Variants in CDC25C observed in about 807,000 individuals in gnomAD.
The protein encoded by CDC25C is M-phase inducer phosphatase 3.
CDC25C carries 48 observed loss-of-function variants against 52.5 expected under a neutral mutation model. The observed-to-expected ratio is 0.91, with a 90% CI of 0.72 to 1.16. CDC25C has a LOEUF of 1.16. Among genes scored for constraint, CDC25C ranks in the 50% most tolerant of loss-of-function variants. The pLI is 0.00. For synonymous variants in CDC25C, 187 were observed against 206.5 expected, an observed-to-expected ratio of 0.91 and a Z score of 0.81; for missense variants, 510 against 566.1, an observed-to-expected ratio of 0.90 and a Z score of 1.01.
At chr5:138,301,125 A>G (rs2126708598) in intron 7 of CDC25C, among the ~76,000 whole-genome samples, 1 of 152,314 alleles carries the variant, frequency 6.6e-6, no homozygotes, top group Non-Finnish European at 1.5e-5. Context: ...AAATCAATGG[A>G]ATAGAAAACA....
chr5:138,285,934 G>A (rs181547790), intron 13 of CDC25C, 88 bp downstream of exon 13: 2 of 1,543,022 alleles, frequency 1.3e-6, no homozygotes, highest in Non-Finnish European at 1.8e-6. Context: ...AGTGGCTAAG[G>A]AGGAGCAGCA....
At position 138,331,772 on chromosome 5, in the gene CDC25C, A is replaced by C; in HGVS notation, c.-216T>G. ...GTCGGACTCAGAGTCTTCCCTGAGC[A>C]GAAGGCCAAAGTTACGGCCTCTGAG... On this transcript the variant is annotated 5_prime_UTR_variant, in exon 1 of 14. Transcript: ENST00000323760. The C allele has an allele frequency of 2.1e-6, 2 of 962,544 alleles. No homozygotes were observed. Among genetic ancestry groups the C allele is most frequent in the Non-Finnish European group, 2.5e-6 (2 of 807,922 alleles). The allele number at this position is 962,544 out of a possible 1,614,324, so 59.6% of individuals were successfully genotyped here. A position where few individuals can be genotyped will look rare whatever the true frequency, so the allele number is the denominator to read the frequency against.
In CDC25C at chr5:138,286,212, G is replaced by A. The variant is rs189843562; in HGVS notation, c.1161-79C>T. The A allele has an allele frequency of 7.2e-6, 8 of 1,112,186 alleles. No individual in the cohort carries two copies. In the African/African-American group the frequency reaches 1.2e-4, roughly 17 times the overall value. 68.9% of individuals were successfully genotyped at this position (1,112,186 alleles called of 1,614,324 possible). A position where few individuals can be genotyped will look rare whatever the true frequency, so the allele number is the denominator to read the frequency against. On this transcript the variant is annotated intron_variant, in intron 12 of 13. Coordinates refer to ENST00000323760, the MANE Select transcript of CDC25C (RefSeq NM_001790.5). Reference sequence around the variant, plus strand: ...CAGGGGCCATTCACTGGGGAGGGGGGAGAGGAGTAGACTATTGCCAACCTC... The same window carrying A: ...CAGGGGCCATTCACTGGGGAGGGGGAAGAGGAGTAGACTATTGCCAACCTC...
chr5:138,329,853 C>T (rs1760212325), intron 2 of CDC25C, among the ~76,000 whole-genome samples: 1 of 151,478 alleles, frequency 6.6e-6, no homozygotes, highest in African/African-American at 2.4e-5. Flanking sequence ...GCCTCAGCCT[C>T]CCAAATAGCT....
Position 138,285,739 on chromosome 5 carries a change from GCCGCTC to G in CDC25C, c.1369_1374del (p.Glu457_Arg458del), listed in dbSNP as rs758920356. 1 of 1,614,100 alleles carries G rather than the reference GCCGCTC, an allele frequency of 6.2e-7. No individual in the cohort carries two copies. The highest frequency in any genetic ancestry group is 8.5e-7 in the Non-Finnish European group (1 of 1,180,034). ...AGAAGGGCAATCTGCTCCCGCAGCT[GCCGCTC>G]CCCTTCCTGCACTTTGCTCTGGCTT... On this transcript the variant is annotated inframe_deletion, in exon 14 of 14. Coordinates refer to ENST00000323760, the MANE Select transcript of CDC25C (RefSeq NM_001790.5).
At chr5:138,295,305 G>A (rs926865449) in intron 7 of CDC25C, among the ~76,000 whole-genome samples, 2 of 152,098 alleles carry the variant, frequency 1.3e-5, no homozygotes, top group Non-Finnish European at 2.9e-5. Context: ...AACTACTTTC[G>A]CAAACAGAAA....
chr5:138,338,084 C>G (rs1351774299), exon 1 of CDC25C: 1 of 1,289,672 alleles, frequency 7.8e-7, no homozygotes, highest in African/African-American at 1.5e-5. Context: ...AATCAAAGCG[C>G]CAGGCTCGTT....
chr5:138,286,461 T>C (rs1756239396), intron 12 of CDC25C, 36 bp downstream of exon 12: 2 of 1,584,394 alleles, frequency 1.3e-6, no homozygotes, highest in Middle Eastern at 2.0e-4. Flanking sequence ...TCAAAATCCA[T>C]TTCCATCACC....
At chr5:138,327,015 G>A (rs1399381153) in intron 4 of CDC25C, among the ~76,000 whole-genome samples, 2 of 150,134 alleles carry the variant, frequency 1.3e-5, no homozygotes, top group Non-Finnish European at 2.9e-5. Context: ...CCAGCACTTT[G>A]GGAGGCCAAG....
intron 7 of CDC25C, among the ~76,000 whole-genome samples, chr5:138,294,499 ATT>A (rs762737768): frequency 3.8e-3 from 364 of 95,944 alleles, no homozygotes; most frequent in African/African-American, 0.014. Context: ...CACTCAGCTA[ATT>A]TTTTTTTTTT....
intron 7 of CDC25C, among the ~76,000 whole-genome samples, chr5:138,309,415 G>C (rs1318169336): frequency 6.6e-6 from 1 of 151,696 alleles, no homozygotes; most frequent in Non-Finnish European, 1.5e-5. Flanking sequence ...AAATTAGCTG[G>C]GGGTGGTGGT....
chr5:138,329,729 T>A, intron 2 of CDC25C, 82 bp from the exon 3 acceptor site: 3 of 315,932 alleles, frequency 9.5e-6, no homozygotes, highest in Admixed American at 4.9e-5. Flanking sequence ...TCCTCTTCTT[T>A]TTTTTTTTTT....
In CDC25C at chr5:138,291,714, C is replaced by T. The variant is rs542663506; in HGVS notation, c.762+256G>A. ...GATTATAGGCGTGAGCCACTGCACC[C>T]GGCCTATGACAACATTTCTAAAAGT... is the stretch of plus-strand genomic sequence containing the variant. On this transcript the variant is annotated intron_variant, in intron 8 of 13. Coordinates refer to ENST00000323760, the MANE Select transcript of CDC25C (RefSeq NM_001790.5). 1.3e-4 allele frequency among the ~76,000 whole-genome samples: 19 copies of T among 151,496 alleles called. No individual in the cohort carries two copies. The East Asian group carries it at 2.9e-3, about 23-fold the overall frequency.
intron 7 of CDC25C, among the ~76,000 whole-genome samples, chr5:138,314,300 CTT>C (rs570387449): frequency 8.0e-5 from 11 of 138,188 alleles, no homozygotes; most frequent in South Asian, 2.3e-4. Flanking sequence ...TTCATAGCAC[CTT>C]TTTTTTTTTT....
chr5:138,292,806 A>G (rs1756858057), intron 7 of CDC25C, among the ~76,000 whole-genome samples: 1 of 152,212 alleles, frequency 6.6e-6, no homozygotes, highest in Non-Finnish European at 1.5e-5. Flanking sequence ...TTTGGGTGCT[A>G]TATTCAGAGT....
intron 7 of CDC25C, among the ~76,000 whole-genome samples, chr5:138,294,335 G>A (rs758813787): frequency 6.6e-6 from 1 of 151,442 alleles, no homozygotes; most frequent in Non-Finnish European, 1.5e-5. Flanking sequence ...GGGATTACAG[G>A]TGCCTGCCAC....
chr5:138,301,055 TC>T (rs1247440581), intron 7 of CDC25C, among the ~76,000 whole-genome samples: 1 of 152,164 alleles, frequency 6.6e-6, no homozygotes, highest in African/African-American at 2.4e-5. Flanking sequence ...GACCTTAGCT[TC>T]AACCTTAACT....
chr5:138,288,676 G>C (rs11568001), intron 10 of CDC25C, among the ~76,000 whole-genome samples: 1 of 152,112 alleles, frequency 6.6e-6, no homozygotes, highest in Non-Finnish European at 1.5e-5. Context: ...TGGGCAACAA[G>C]AGCGAAACTC....
chr5:138,289,102 T>C (rs1756499537), intron 10 of CDC25C, among the ~76,000 whole-genome samples: 1 of 152,134 alleles, frequency 6.6e-6, no homozygotes, highest in Non-Finnish European at 1.5e-5. Flanking sequence ...GTAGCTGGGA[T>C]TATAGGCACA....
Sources: gnomAD v4.1 joint callset for allele counts (sites outside exome capture counted in the v4.1 genomes callset) on GRCh38, gnomAD v4.1.1 for gene constraint, MANE v1.5 for transcripts, NCBI Gene and HGNC (gene_info 2026-07-23, HGNC 2026-07-21) for gene names.